Variants in GLT8D2 observed in about 807,000 individuals in gnomAD.
The protein encoded by GLT8D2 is glycosyltransferase 8 domain-containing protein 2.
In GLT8D2, 45 loss-of-function variants were observed where a neutral mutation model predicts 44.5. The observed-to-expected ratio is 1.01, with a 90% CI of 0.80 to 1.30. The LOEUF is 1.30. Among genes scored for constraint, GLT8D2 ranks in the 50% most tolerant of loss-of-function variants. The probability of loss-of-function intolerance (pLI) is 0.00; values close to 1 mark genes in which losing one functional copy is unlikely to be tolerated. For missense variants in GLT8D2, 400 were observed against 430.4 expected (o/e 0.93, Z 0.62); for synonymous variants, 156 against 157.2 (o/e 0.99, Z 0.06).
At position 104,045,918 on chromosome 12, in the gene GLT8D2, A is replaced by AGAAAGAAAGAAAGAAAGAAAGAAG. The variant is rs1555281887; in HGVS notation, c.-164+3976_-164+3977insCTTCTTTCTTTCTTTCTTTCTTTC. Among the ~76,000 whole-genome samples, 784 of 145,896 alleles carry AGAAAGAAAGAAAGAAAGAAAGAAG rather than the reference A, an allele frequency of 5.4e-3. 3 individuals carry two copies. The highest frequency in any genetic ancestry group is 0.02 in the South Asian group (88 of 4,344). On this transcript the variant is annotated intron_variant, in intron 1 of 10. Transcript: ENST00000360814. Reference sequence around the variant, plus strand: ...AAGAAAGAAAGAAAGAAAGAAAGAAAGAAAGAAAGAAAGAAAGAAAAAGAA... The same window carrying AGAAAGAAAGAAAGAAAGAAAGAAG: ...AAGAAAGAAAGAAAGAAAGAAAGAAAGAAAGAAAGAAAGAAAGAAAGAAGGAAAGAAAGAAAGAAAGAAAAAGAA...
At chr12:104,016,869 A>C (rs1302426240) in intron 3 of GLT8D2, among the ~76,000 whole-genome samples, 4 of 149,288 alleles carry the variant, frequency 2.7e-5, no homozygotes, top group African/African-American at 9.8e-5. Context: ...AAAGAAAGAA[A>C]GAAAGAAAGA....
intron 4 of GLT8D2, chr12:104,012,975 T>A (rs1286042714): frequency 1.8e-6 from 1 of 570,752 alleles, no homozygotes; most frequent in Non-Finnish European, 3.1e-6. Context: ...TGCTCACACC[T>A]TGATCCTGGA....
rs374496391 is a variant in GLT8D2, at chr12:103,993,416, G to A, written c.856C>T (p.Pro286Ser). The A allele has an allele frequency of 3.8e-5, 62 of 1,613,440 alleles. No individual in the cohort carries two copies. The Middle Eastern group carries it at 8.2e-4, about 21-fold the overall frequency. The change falls in exon 10 of 11, where the codon CCC becomes TCC. Residue 286 changes from proline to serine, a missense_variant. Pro to Ser is a moderately conservative substitution (Grantham distance 74). Transcript: ENST00000360814. ...CCCAGGTGCCTTATGTGCCACAGGGGGTTAATTGTGGAATATTTCCCATGA... is the reference window on the plus strand; with the variant it reads ...CCCAGGTGCCTTATGTGCCACAGGGAGTTAATTGTGGAATATTTCCCATGA... ...VFHGKYSTIN[P>S]LWHIRHLGWN...
At chr12:104,010,581 G>A (rs1213826011) in intron 4 of GLT8D2, among the ~76,000 whole-genome samples, 3 of 152,096 alleles carry the variant, frequency 2.0e-5, no homozygotes, top group Non-Finnish European at 2.9e-5. Flanking sequence ...TGTGAGGGCA[G>A]GTATTTTGTT....
At chr12:103,997,606 G>T in intron 6 of GLT8D2, 71 bp from the exon 7 acceptor site, 1 of 1,099,884 alleles carries the variant, frequency 9.1e-7, no homozygotes, top group Non-Finnish European at 1.4e-6. Flanking sequence ...GGGTACTGGA[G>T]AGTCGGCTTT....
rs71069712 is a variant in GLT8D2, at chr12:104,012,189, AATATATAT to A, written c.112+2816_112+2823del. Among the ~76,000 whole-genome samples the A allele has an allele frequency of 5.0e-4, 49 of 98,434 alleles. 2 individuals carry two copies. In the East Asian group the frequency reaches 6.3e-3, roughly 13 times the overall value. The allele number at this position is 98,434 out of a possible 152,430, so 64.6% of individuals were successfully genotyped here. A position where few individuals can be genotyped will look rare whatever the true frequency, so the allele number is the denominator to read the frequency against. Reference sequence around the variant, plus strand: ...CTGTCTCAAAAAAAAAAAAAAAAAAAATATATATATATATATATATATACCTTAAACAC... The same window carrying A: ...CTGTCTCAAAAAAAAAAAAAAAAAAAATATATATATATATACCTTAAACAC... On this transcript the variant is annotated intron_variant, in intron 4 of 10. Coordinates refer to ENST00000360814, the MANE Select transcript of GLT8D2 (RefSeq NM_001384711.1).
chr12:104,005,036 A>G (rs1217048892), intron 4 of GLT8D2, among the ~76,000 whole-genome samples: 5 of 152,354 alleles, frequency 3.3e-5, no homozygotes, highest in African/African-American at 1.2e-4. Flanking sequence ...AAACAGAGAT[A>G]TAGACCAATG....
intron 1 of GLT8D2, among the ~76,000 whole-genome samples, chr12:104,048,848 T>C (rs1001716206): frequency 7.2e-5 from 11 of 152,222 alleles, no homozygotes; most frequent in African/African-American, 2.7e-4. Context: ...ATGTCCTCTA[T>C]AGACATTAGG....
chr12:104,030,821 G>A, intron 1 of GLT8D2: 3 of 1,598,670 alleles, frequency 1.9e-6, no homozygotes, highest in Non-Finnish European at 1.7e-6. Context: ...CGGCGAGAGC[G>A]CATGGAACCT....
chr12:104,013,807 T>A (rs2136337790), intron 4 of GLT8D2, among the ~76,000 whole-genome samples: 1 of 152,274 alleles, frequency 6.6e-6, no homozygotes, highest in Non-Finnish European at 1.5e-5. Flanking sequence ...AGTGGCACTA[T>A]CAGGGCTCAC....
intron 10 of GLT8D2, among the ~76,000 whole-genome samples, chr12:103,992,690 C>A (rs1219220789): frequency 6.6e-6 from 1 of 151,970 alleles, no homozygotes; most frequent in East Asian, 1.9e-4. Context: ...ACGGGTTTCA[C>A]CACGTTGGTC....
intron 1 of GLT8D2, among the ~76,000 whole-genome samples, chr12:104,025,782 T>TA (rs1339694173): frequency 6.6e-6 from 1 of 152,222 alleles, no homozygotes; most frequent in African/African-American, 2.4e-5. Flanking sequence ...TTTTTTTCTT[T>TA]AATATTTTGT....
chr12:104,047,120 T>A (rs1250076297), intron 1 of GLT8D2, among the ~76,000 whole-genome samples: 16 of 152,146 alleles, frequency 1.1e-4, no homozygotes, highest in Admixed American at 1.0e-3. Context: ...TGAGCCACCA[T>A]GCCAGCCTGA....
At chr12:103,999,950 A>G (rs1463974422) in intron 5 of GLT8D2, among the ~76,000 whole-genome samples, 7 of 152,178 alleles carry the variant, frequency 4.6e-5, no homozygotes, top group Non-Finnish European at 1.0e-4. Context: ...TTTTGACTCC[A>G]AGGCTGATTT....
upstream of GLT8D2, among the ~76,000 whole-genome samples, chr12:104,054,973 T>C (rs1406517940): frequency 1.3e-5 from 2 of 152,076 alleles, no homozygotes; most frequent in Non-Finnish European, 2.9e-5. Context: ...AAGGCACTAA[T>C]TGAAAAGGTG....
At position 104,003,286 on chromosome 12, in the gene GLT8D2, C is replaced by T. The variant is rs778426823; in HGVS notation, c.133G>A (p.Glu45Lys). ...NDADDESETP[E>K]ELEEEIPVVI... ...ACAGGAATCTCTTCTTCCAGTTCTT[C>T]AGGAGTCTCGGATTCATCATCTGGA... The change falls in exon 5 of 11, where the codon GAA becomes AAA. Residue 45 changes from glutamate to lysine, a missense_variant. Coordinates refer to ENST00000360814, the MANE Select transcript of GLT8D2 (RefSeq NM_001384711.1). 8.7e-6 allele frequency: 14 copies of T among 1,614,044 alleles called. No individual in the cohort carries two copies. Among genetic ancestry groups the T allele is most frequent in the Non-Finnish European group, 9.3e-6 (11 of 1,179,976 alleles).
chr12:104,050,411 G>T (rs1012959969), upstream of GLT8D2: 9 of 152,220 alleles, frequency 5.9e-5, no homozygotes, highest in Non-Finnish European at 1.2e-4. Flanking sequence ...TGCTGATTTT[G>T]AGAATCTTCA....
chr12:104,021,672 C>T (rs2722169), intron 1 of GLT8D2, among the ~76,000 whole-genome samples, 181 bp from the exon 2 acceptor site: 25,872 of 150,972 alleles, frequency 0.17, 2,474 homozygotes, highest in Middle Eastern at 0.24. Flanking sequence ...GCCTGTAGTC[C>T]CAGCTACTCG....
Position 103,989,359 on chromosome 12 carries a change from G to A in GLT8D2, c.*49C>T, listed in dbSNP as rs1278085127. 6.9e-7 allele frequency: 1 copy of A among 1,440,952 alleles called. No individual in the cohort carries two copies. Among genetic ancestry groups the A allele is most frequent in the Non-Finnish European group, 9.5e-7 (1 of 1,056,000 alleles). 89.3% of individuals were successfully genotyped at this position (1,440,952 alleles called of 1,614,324 possible). On this transcript the variant is annotated 3_prime_UTR_variant, in exon 11 of 11. Coordinates refer to ENST00000360814, the MANE Select transcript of GLT8D2 (RefSeq NM_001384711.1). ...AACAATGTTATAGTTGGCTACAAAG[G>A]GACAATTCCACATTTCTATACAGGG...
Sources: allele counts gnomAD v4.1 joint callset (sites outside exome capture counted in the v4.1 genomes callset), GRCh38; gene constraint gnomAD v4.1.1; transcripts MANE v1.5; gene names NCBI Gene and HGNC (gene_info 2026-07-23, HGNC 2026-07-21).